The following CHRM3 variants were observed in gnomAD, a reference collection of about 807,000 sequenced individuals.
CHRM3 encodes the protein cholinergic receptor muscarinic 3.
Under a neutral mutation model 41.8 loss-of-function variants are expected in CHRM3, and 11 were observed. The observed-to-expected ratio is 0.26, with a 90% CI of 0.17 to 0.44. The LOEUF (loss-of-function observed/expected upper bound fraction) is 0.44, where lower values mean the gene tolerates loss of function less well. Among genes scored for constraint, CHRM3 ranks in the 20% least tolerant of loss-of-function variants. The pLI is 1.00. For synonymous variants in CHRM3, 297 were observed against 301.4 expected, an observed-to-expected ratio of 0.99 and a Z score of 0.15; for missense variants, 571 against 745.4, an observed-to-expected ratio of 0.77 and a Z score of 2.72.
At chr1:239,694,198 A>G (rs532553038) in intron 5 of CHRM3, among the ~76,000 whole-genome samples, 1 of 152,320 alleles carries the variant, frequency 6.6e-6, no homozygotes, top group East Asian at 1.9e-4. Flanking sequence ...CCACCTCTCG[A>G]ACTTGTTTTA....
chr1:239,396,273 G>T (rs1052156389), intron 1 of CHRM3, among the ~76,000 whole-genome samples: 1 of 152,026 alleles, frequency 6.6e-6, no homozygotes, highest in African/African-American at 2.4e-5. Flanking sequence ...GTTGGTCTTT[G>T]ACTGCTTTCA....
chr1:239,677,533 G>A (rs1199977833), intron 4 of CHRM3, among the ~76,000 whole-genome samples: 1 of 152,134 alleles, frequency 6.6e-6, no homozygotes, highest in Non-Finnish European at 1.5e-5. Flanking sequence ...TCAAGGCACC[G>A]GTATCTGGCC....
At chr1:239,504,805 C>G (rs1449939273) in intron 2 of CHRM3, among the ~76,000 whole-genome samples, 3 of 151,966 alleles carry the variant, frequency 2.0e-5, no homozygotes, top group African/African-American at 7.3e-5. Context: ...AGTGAAGTAA[C>G]TCAGGAATGG....
intron 2 of CHRM3, among the ~76,000 whole-genome samples, chr1:239,495,452 C>G (rs1296819060): frequency 1.3e-5 from 2 of 152,158 alleles, no homozygotes; most frequent in African/African-American, 2.4e-5. Flanking sequence ...ATTCAGCTAC[C>G]TCTTCTTTGA....
At chr1:239,601,744 T>A (rs954153983) in intron 3 of CHRM3, among the ~76,000 whole-genome samples, 7 of 152,196 alleles carry the variant, frequency 4.6e-5, no homozygotes, top group African/African-American at 1.7e-4. Context: ...TTGCTCTGCT[T>A]CTGTGGCTGC....
At chr1:239,489,319 G>A (rs1667408284) in intron 1 of CHRM3, among the ~76,000 whole-genome samples, 1 of 152,230 alleles carries the variant, frequency 6.6e-6, no homozygotes, top group Non-Finnish European at 1.5e-5. Flanking sequence ...GGCTGAGGCA[G>A]GAGAATCGCT....
At chr1:239,469,923 C>G (rs1666001986) in intron 1 of CHRM3, among the ~76,000 whole-genome samples, 1 of 152,278 alleles carries the variant, frequency 6.6e-6, no homozygotes, top group East Asian at 1.9e-4. Flanking sequence ...ATTTCCCTGA[C>G]TTACTGCCTA....
At chr1:239,548,684 G>T (rs767286394) in intron 3 of CHRM3, among the ~76,000 whole-genome samples, 2 of 152,192 alleles carry the variant, frequency 1.3e-5, no homozygotes, top group Non-Finnish European at 2.9e-5. Flanking sequence ...AGGCCTGGTT[G>T]CTGTGTTGCT....
chr1:239,793,210 T>C (rs1451916268), intron 5 of CHRM3, among the ~76,000 whole-genome samples: 2 of 152,246 alleles, frequency 1.3e-5, no homozygotes, highest in Non-Finnish European at 2.9e-5. Context: ...ACTGATTTCA[T>C]CATTCTCCAG....
chr1:239,404,155 G>C (rs1253155710), intron 1 of CHRM3, among the ~76,000 whole-genome samples: 3 of 151,054 alleles, frequency 2.0e-5, no homozygotes, highest in African/African-American at 7.3e-5. Flanking sequence ...CAGGCGTGGT[G>C]GTGGGCACCT....
intron 1 of CHRM3, among the ~76,000 whole-genome samples, chr1:239,453,511 T>C (rs946963536): frequency 3.3e-5 from 5 of 152,224 alleles, no homozygotes; most frequent in Non-Finnish European, 7.3e-5. Flanking sequence ...CTTTGTACAG[T>C]TGTGCAAACA....
At chr1:239,634,376 CGAAA>C (rs370634927) in intron 4 of CHRM3, among the ~76,000 whole-genome samples, 3,053 of 135,520 alleles carry the variant, frequency 0.023, 63 homozygotes, top group African/African-American at 0.052. Context: ...CAAGAACAAA[CGAAA>C]GAAAGAAAGA....
chr1:239,649,585 G>T (rs776033399), intron 4 of CHRM3, among the ~76,000 whole-genome samples: 10 of 152,200 alleles, frequency 6.6e-5, no homozygotes, highest in Admixed American at 1.3e-4. Flanking sequence ...AACAATGGAA[G>T]AGGCAGGACC....
intron 1 of CHRM3, among the ~76,000 whole-genome samples, chr1:239,467,287 G>T (rs1037782540): frequency 6.6e-6 from 1 of 151,948 alleles, no homozygotes; most frequent in Non-Finnish European, 1.5e-5. Flanking sequence ...AGTAGAGGTC[G>T]CTTGGTGTAA....
At chr1:239,669,972 A>T (rs1202420988) in intron 4 of CHRM3, among the ~76,000 whole-genome samples, 10 of 152,228 alleles carry the variant, frequency 6.6e-5, no homozygotes, top group Non-Finnish European at 1.5e-4. Context: ...CTCTGCATGT[A>T]CTAAATTAAT....
intron 3 of CHRM3, among the ~76,000 whole-genome samples, chr1:239,574,453 G>A (rs1183420313): frequency 6.6e-6 from 1 of 152,020 alleles, no homozygotes; most frequent in Non-Finnish European, 1.5e-5. Flanking sequence ...ACTCTTCTCG[G>A]TTATGCACTG....
intron 1 of CHRM3, among the ~76,000 whole-genome samples, chr1:239,426,935 G>T (rs954719266): frequency 6.6e-6 from 1 of 152,048 alleles, no homozygotes; most frequent in Non-Finnish European, 1.5e-5. Context: ...GTGCAGGTGG[G>T]TGGATGGTTG....
At chr1:239,811,983 G>A (rs115010849) in intron 5 of CHRM3, among the ~76,000 whole-genome samples, 283 of 152,244 alleles carry the variant, frequency 1.9e-3, no homozygotes, top group African/African-American at 6.5e-3. Context: ...AATTCATATC[G>A]ATTTATGAGT....
chr1:239,397,778 G>T (rs1225694469), intron 1 of CHRM3, among the ~76,000 whole-genome samples: 1 of 147,912 alleles, frequency 6.8e-6, no homozygotes, highest in Non-Finnish European at 1.5e-5. Context: ...TATAGAAAAT[G>T]TTGTAAAAGA....
Sources: gnomAD v4.1 joint callset for allele counts (sites outside exome capture counted in the v4.1 genomes callset) on GRCh38, gnomAD v4.1.1 for gene constraint, MANE v1.5 for transcripts, NCBI Gene and HGNC (gene_info 2026-07-23, HGNC 2026-07-21) for gene names.